The following MYPN variants were observed in gnomAD, a reference collection of about 807,000 sequenced individuals.
MYPN encodes the protein myopalladin.
Under a neutral mutation model 129.4 loss-of-function variants are expected in MYPN, and 63 were observed. The observed-to-expected ratio is 0.49, with a 90% CI of 0.40 to 0.60. The LOEUF (loss-of-function observed/expected upper bound fraction) is 0.60, where lower values mean the gene tolerates loss of function less well. Among genes scored for constraint, MYPN ranks in the 20% least tolerant of loss-of-function variants. The pLI is 0.00. For synonymous variants in MYPN, 629 were observed against 600.9 expected (o/e 1.05, Z -0.68); for missense variants, 1,596 against 1,635.4 (o/e 0.98, Z 0.42).
intron 2 of MYPN, chr10:68,135,522 CAAA>C: frequency 2.0e-6 from 2 of 982,828 alleles, no homozygotes; most frequent in Non-Finnish European, 2.4e-6. Flanking sequence ...TGTGAGTAAG[CAAA>C]TGTACTACTT....
At chr10:68,175,168 C>A (rs141672428) in intron 11 of MYPN, among the ~76,000 whole-genome samples, 155 bp from the exon 12 acceptor site, 1 of 152,100 alleles carries the variant, frequency 6.6e-6, no homozygotes, top group African/African-American at 2.4e-5. Flanking sequence ...ATCAAAAAGA[C>A]CTTTACAAAT....
intron 1 of MYPN, among the ~76,000 whole-genome samples, chr10:68,111,609 A>G (rs1320560762): frequency 6.6e-6 from 1 of 152,256 alleles, no homozygotes; most frequent in Non-Finnish European, 1.5e-5. Context: ...CAACTTAGGT[A>G]GAGACTAAAT....
At position 68,199,522 on chromosome 10, in the gene MYPN, T is replaced by A. The variant is rs201600440; in HGVS notation, c.3440T>A (p.Ile1147Asn). The change falls in exon 17 of 20, where the codon ATC becomes AAC. Residue 1147 changes from isoleucine to asparagine, a missense_variant. Transcript: ENST00000358913. ...CGCGACGCAGGGACCTATAAGTGCATCGCTACCAACAAAACCGGGCAGAAT... is the reference window on the plus strand; with the variant it reads ...CGCGACGCAGGGACCTATAAGTGCAACGCTACCAACAAAACCGGGCAGAAT... Reference protein sequence around the residue: ...TQRDAGTYKCIATNKTGQNSF... With the variant: ...TQRDAGTYKCNATNKTGQNSF... The A allele has an allele frequency of 8.9e-5, 143 of 1,614,036 alleles. No homozygotes were observed. The highest frequency in any genetic ancestry group is 1.2e-4 in the Non-Finnish European group (138 of 1,180,042).
Position 68,195,531 on chromosome 10 carries a change from A to T in MYPN, c.3157A>T (p.Arg1053Trp), listed in dbSNP as rs1447577755. ...GCTAACCTCTGCTGGTCAGTCTCAC[A>T]GGTAAAGACAGTAAGAATTCCCCCT... Reference protein sequence around the residue: ...SRLTSAGQSHRGRSRVQERDK... With the variant: ...SRLTSAGQSHWGRSRVQERDK... The change falls in exon 15 of 20, where the codon AGG becomes TGG. Residue 1053 changes from arginine (R) to tryptophan (W), a missense_variant and splice_region_variant. Coordinates refer to ENST00000358913, the MANE Select transcript of MYPN (RefSeq NM_032578.4). 2.5e-6 allele frequency: 4 copies of T among 1,613,422 alleles called. No homozygotes were observed. Among genetic ancestry groups the T allele is most frequent in the Middle Eastern group, 3.3e-4 (2 of 6,078 alleles).
chr10:68,195,496 T>G lies in MYPN; in HGVS notation c.3122T>G (p.Ile1041Ser). ...SGHLMVQSLP[I>S]RSRLTSAGQS... ...CACTTGATGGTACAAAGTTTGCCCA[T>G]TCGCAGTCGGCTAACCTCTGCTGGT... The change falls in exon 15 of 20, where the codon ATT becomes AGT. Residue 1041 changes from isoleucine to serine, a missense_variant. By Grantham distance (142) the Ile-to-Ser change is moderately radical. Coordinates refer to ENST00000358913, the MANE Select transcript of MYPN (RefSeq NM_032578.4). The G allele has an allele frequency of 1.9e-6, 3 of 1,614,072 alleles. 1 individual carries two copies. Among genetic ancestry groups the G allele is most frequent in the Non-Finnish European group, 1.7e-6 (2 of 1,179,962 alleles).
In MYPN at chr10:68,165,761, T is replaced by A; in HGVS notation, c.1543T>A (p.Cys515Ser). 1 of 1,614,188 alleles carries A rather than the reference T, an allele frequency of 6.2e-7. No individual in the cohort carries two copies. Among genetic ancestry groups the A allele is most frequent in the South Asian group, 1.1e-5 (1 of 91,084 alleles). The change falls in exon 9 of 20, where the codon TGT (cysteine) becomes AGT (serine). Residue 515 changes from cysteine (C) to serine (S), a missense_variant. Cys to Ser is a moderately radical substitution (Grantham distance 112). Transcript: ENST00000358913. ...VFAEDSGCFT[C>S]TASNKYGTVS... ...TGCAGAAGATTCTGGGTGCTTCACA[T>A]GTACTGCAAGCAACAAATACGGCAC...
At chr10:68,125,989 A>G (rs552542056) in intron 2 of MYPN, among the ~76,000 whole-genome samples, 31 of 152,300 alleles carry the variant, frequency 2.0e-4, no homozygotes, top group African/African-American at 7.2e-4. Flanking sequence ...TCTGTAGAGG[A>G]GGCAGTGGTG....
intron 2 of MYPN, among the ~76,000 whole-genome samples, chr10:68,132,107 T>G (rs2042420208): frequency 6.6e-6 from 1 of 152,210 alleles, no homozygotes; most frequent in African/African-American, 2.4e-5. Flanking sequence ...TTTCTGATCT[T>G]GAAGAGAATG....
chr10:68,120,261 T>C (rs921536976), intron 1 of MYPN, among the ~76,000 whole-genome samples: 5 of 152,160 alleles, frequency 3.3e-5, no homozygotes, highest in African/African-American at 4.8e-5. Context: ...TTAGTAAATG[T>C]TTGAATGAAT....
chr10:68,158,288 C>T (rs547388617), intron 6 of MYPN, 198 bp from the exon 7 acceptor site: 9 of 586,846 alleles, frequency 1.5e-5, no homozygotes, highest in African/African-American at 7.5e-5. Flanking sequence ...TAGCCACGCT[C>T]GCCTGCTAGA....
intron 2 of MYPN, among the ~76,000 whole-genome samples, chr10:68,122,849 C>G (rs2042266858): frequency 6.6e-6 from 1 of 152,112 alleles, no homozygotes; most frequent in African/African-American, 2.4e-5. Context: ...TTGCGGTGAG[C>G]CGAGATCGCG....
At chr10:68,141,801 G>A (rs765952521) in intron 2 of MYPN, among the ~76,000 whole-genome samples, 16 of 152,160 alleles carry the variant, frequency 1.1e-4, no homozygotes, top group Admixed American at 2.0e-4. Context: ...AATGAAACCC[G>A]TAAACCCCAT....
chr10:68,136,701 A>G, intron 2 of MYPN: 4 of 1,535,510 alleles, frequency 2.6e-6, no homozygotes, highest in South Asian at 1.2e-5. Flanking sequence ...TGGCTATCCA[A>G]TTGCTCATAG....
chr10:68,147,283 A>G (rs780905367), intron 4 of MYPN, among the ~76,000 whole-genome samples: 2 of 151,848 alleles, frequency 1.3e-5, no homozygotes, highest in Non-Finnish European at 1.5e-5. Flanking sequence ...GCCTCCCAAG[A>G]AGCTGGAATT....
chr10:68,196,428 T>C (rs1170345393), intron 15 of MYPN, among the ~76,000 whole-genome samples: 5 of 151,886 alleles, frequency 3.3e-5, no homozygotes, highest in African/African-American at 1.2e-4. Flanking sequence ...ACAAAAATAG[T>C]GACCCATGTT....
chr10:68,166,244 A>G lies in MYPN; in HGVS notation c.1601-50A>G, dbSNP rs116261214. ...CTTTCCCATTTGTGCACATGCCCCA[A>G]TTCAGGCTTACAGTGGCTGACAGCT... On this transcript the variant is annotated intron_variant, in intron 9 of 19. Transcript: ENST00000358913. The G allele has an allele frequency of 1.2e-3, 2,000 of 1,613,074 alleles. 18 individuals are homozygous for G. In the African/African-American group the frequency reaches 0.023, roughly 19 times the overall value.
chr10:68,118,718 C>T (rs2042193692), intron 1 of MYPN, among the ~76,000 whole-genome samples: 1 of 151,932 alleles, frequency 6.6e-6, no homozygotes, highest in South Asian at 2.1e-4. Context: ...GCTGTAGTCC[C>T]AGCTACTTGG....
upstream of MYPN, among the ~76,000 whole-genome samples, chr10:68,102,917 G>C (rs559094070): frequency 6.6e-6 from 1 of 152,124 alleles, no homozygotes; most frequent in South Asian, 2.1e-4. Flanking sequence ...CCTGCATTTC[G>C]AACTGAAGCT....
At chr10:68,180,809 G>A (rs548533779) in intron 12 of MYPN, among the ~76,000 whole-genome samples, 1 of 152,300 alleles carries the variant, frequency 6.6e-6, no homozygotes, top group African/African-American at 2.4e-5. Flanking sequence ...CAGAAAAACT[G>A]TCTCCACCAA....
Sources: gnomAD v4.1 joint callset for allele counts (sites outside exome capture counted in the v4.1 genomes callset) on GRCh38, gnomAD v4.1.1 for gene constraint, MANE v1.5 for transcripts, NCBI Gene and HGNC (gene_info 2026-07-23, HGNC 2026-07-21) for gene names.